The following MAST1 variants were observed in gnomAD, a reference collection of about 807,000 sequenced individuals.
The protein encoded by MAST1 is microtubule-associated serine/threonine-protein kinase 1.
Under a neutral mutation model 124.6 loss-of-function variants are expected in MAST1, and 40 were observed. That is an observed-to-expected ratio of 0.32 (90% CI 0.25 to 0.42). The LOEUF (loss-of-function observed/expected upper bound fraction) is 0.42, where lower values mean the gene tolerates loss of function less well. MAST1 is among the 10% of genes least tolerant of loss of function. The probability of loss-of-function intolerance (pLI) is 1.00; values close to 1 mark genes in which losing one functional copy is unlikely to be tolerated. For missense variants in MAST1, 1,558 were observed against 2,181.9 expected, an observed-to-expected ratio of 0.71 and a Z score of 5.70; for synonymous variants, 938 against 939.4, an observed-to-expected ratio of 1.00 and a Z score of 0.03.
intron 12 of MAST1, among the ~76,000 whole-genome samples, chr19:12,860,307 G>A (rs1439978451): frequency 2.6e-5 from 4 of 151,726 alleles, no homozygotes; most frequent in South Asian, 2.1e-4. Flanking sequence ...TAGTAGAGAC[G>A]GGGTTTCACC....
chr19:12,862,653 T>C (rs959549723), intron 12 of MAST1, among the ~76,000 whole-genome samples: 3 of 149,964 alleles, frequency 2.0e-5, no homozygotes, highest in African/African-American at 7.4e-5. Flanking sequence ...TGTTTTTTTC[T>C]TTTCCTTTTT....
intron 4 of MAST1, among the ~76,000 whole-genome samples, chr19:12,846,461 A>T (rs1969895263): frequency 6.6e-6 from 1 of 152,058 alleles, no homozygotes. Context: ...GAGGGGTGAC[A>T]TTGAAGCAAA....
Position 12,874,153 on chromosome 19 carries a change from C to A in MAST1, c.3996C>A (p.Gly1332=). Residue 1332 remains glycine (G), a synonymous_variant, in exon 26 of 26, where the codon GGC becomes GGA. Coordinates refer to ENST00000251472, the MANE Select transcript of MAST1 (RefSeq NM_014975.3). This position sits in a 1 kb window ranked among gnomAD's most constrained non-coding sequence, Gnocchi z 6.6. ...GGCAGGTCGCCGTCCGCCGCCTGGG[C>A]CGACAGGAGTCACCTTTGAGCCTGG... is the stretch of plus-strand genomic sequence containing the variant. The part of the protein sequence containing the change: ...APRQVAVRRL[G]RQESPLSLGA... 1 of 1,540,720 alleles carries A rather than the reference C, an allele frequency of 6.5e-7. No individual in the cohort carries two copies. Among genetic ancestry groups the A allele is most frequent in the Non-Finnish European group, 8.7e-7 (1 of 1,145,840 alleles).
Position 12,867,995 on chromosome 19 carries a change from C to T in MAST1, c.2566+18C>T. 1.3e-6 allele frequency: 2 copies of T among 1,516,266 alleles called. No homozygotes were observed. The highest frequency in any genetic ancestry group is 2.3e-5 in the East Asian group (1 of 43,444). The allele number at this position is 1,516,266 out of a possible 1,614,324, so 93.9% of individuals were successfully genotyped here. A position where few individuals can be genotyped will look rare whatever the true frequency, so the allele number is the denominator to read the frequency against. Reference sequence around the variant, plus strand: ...CGAGGCCAGTGAGTGCCCTATCGTGCTGCCTTCCCCAATCTTCCCCAATGT... The same window carrying T: ...CGAGGCCAGTGAGTGCCCTATCGTGTTGCCTTCCCCAATCTTCCCCAATGT... On this transcript the variant is annotated intron_variant, in intron 20 of 25. Coordinates refer to ENST00000251472, the MANE Select transcript of MAST1 (RefSeq NM_014975.3).
At position 12,841,186 on chromosome 19, in the gene MAST1, T is replaced by G; in HGVS notation, c.248+120T>G. The G allele has an allele frequency of 1.6e-6, 1 of 616,422 alleles. No homozygotes were observed. The highest frequency in any genetic ancestry group is 3.2e-4 in the Middle Eastern group (1 of 3,112). 38.2% of individuals were successfully genotyped at this position (616,422 alleles called of 1,614,324 possible). ...GCTGGGGCCTGAGGGGACCAGCGAG[T>G]GCCCCAAGGTCTCAGCGGGAAGGAG... On this transcript the variant is annotated intron_variant, in intron 3 of 25. Coordinates refer to ENST00000251472, the MANE Select transcript of MAST1 (RefSeq NM_014975.3). The surrounding 1 kb of genome is among the most constrained non-coding windows in gnomAD (Gnocchi z 4.3).
chr19:12,869,373 G>C, intron 22 of MAST1, 78 bp downstream of exon 22: 1 of 1,168,224 alleles, frequency 8.6e-7, no homozygotes, highest in Non-Finnish European at 1.2e-6. Context: ...AAACCAGTTA[G>C]CCTGGGTGAG....
chr19:12,839,122 G>T (rs1238573930), intron 1 of MAST1, among the ~76,000 whole-genome samples: 1 of 147,888 alleles, frequency 6.8e-6, no homozygotes, highest in Non-Finnish European at 1.5e-5. Flanking sequence ...GATGCTGAGG[G>T]GTAGAAAAAA....
chr19:12,840,424 C>G (rs1384577373), intron 1 of MAST1, 22 bp from the exon 2 acceptor site: 1 of 1,573,372 alleles, frequency 6.4e-7, no homozygotes, highest in South Asian at 1.1e-5. Context: ...GGCCCGGCCC[C>G]CCTGCCTTAC....
intron 4 of MAST1, among the ~76,000 whole-genome samples, chr19:12,845,411 C>CA (rs540488398): frequency 0.02 from 1,402 of 69,064 alleles, 50 homozygotes; most frequent in African/African-American, 0.053. Flanking sequence ...CCTGTTTCTA[C>CA]AAAAAAAAAA....
intron 3 of MAST1, among the ~76,000 whole-genome samples, chr19:12,842,507 G>T (rs1442353751): frequency 1.3e-5 from 2 of 152,082 alleles, no homozygotes; most frequent in Non-Finnish European, 2.9e-5. Flanking sequence ...TGGTCATGCT[G>T]GTCTCGAACT....
chr19:12,867,999 C>T (rs1347169772), intron 20 of MAST1, 22 bp downstream of exon 20: 2 of 1,512,406 alleles, frequency 1.3e-6, no homozygotes, highest in Non-Finnish European at 8.8e-7. Context: ...ATCGTGCTGC[C>T]TTCCCCAATC....
In MAST1 at chr19:12,866,681, C is replaced by A; in HGVS notation, c.2058C>A (p.Asn686Lys). The change falls in exon 18 of 26, where the codon AAC (asparagine) becomes AAA (lysine). Residue 686 changes from asparagine to lysine, a missense_variant. Physicochemically the swap from Asn to Lys is moderately conservative, Grantham distance 94. Around this residue, in one of 10 missense-constraint regions of MAST1, gnomAD observed 287 missense variants for 308.0 expected, o/e 0.93. Coordinates refer to ENST00000251472, the MANE Select transcript of MAST1 (RefSeq NM_014975.3). This position sits in a 1 kb window ranked among gnomAD's most constrained non-coding sequence, Gnocchi z 5.2. ...GCTCAGACAGGTATCACCACGTGAA[C>A]TCCTATGACGAGGATGACACGACGG... ...DTRSDRYHHV[N>K]SYDEDDTTEE... is the part of the protein sequence containing the mutation. 6.2e-7 allele frequency: 1 copy of A among 1,613,950 alleles called. No homozygotes were observed. The highest frequency in any genetic ancestry group is 1.1e-5 in the South Asian group (1 of 91,080).
chr19:12,873,286 C>A (rs568730476), intron 24 of MAST1, 38 bp from the exon 25 acceptor site: 1 of 1,590,208 alleles, frequency 6.3e-7, no homozygotes, highest in Non-Finnish European at 8.6e-7. Context: ...GCTCTGGCGT[C>A]CAGGTCAAGG....
chr19:12,847,423 C>G lies in MAST1; in HGVS notation c.461C>G (p.Ala154Gly), dbSNP rs1372354215. Residue 154 changes from alanine (A) to glycine (G), a missense_variant, in exon 5 of 26, where the codon GCC becomes GGC. Physicochemically the swap from Ala to Gly is moderately conservative, Grantham distance 60. This residue lies in a region of MAST1 where 165 missense variants were observed against 315.3 expected (regional missense o/e 0.52). Transcript: ENST00000251472. This position sits in a 1 kb window ranked among gnomAD's most constrained non-coding sequence, Gnocchi z 5.5. ...TDEDGGRRSP[A>G]VRPRSRSLSP... ...GAGGATGGTGGCCGTCGCTCCCCAG[C>G]CGTGCGGCCCCGCTCACGGAGCCTC... 6.2e-7 allele frequency: 1 copy of G among 1,613,662 alleles called. No homozygotes were observed. The highest frequency in any genetic ancestry group is 2.2e-5 in the East Asian group (1 of 44,884).
At chr19:12,872,413 C>T (rs1162914786) in intron 24 of MAST1, among the ~76,000 whole-genome samples, 2 of 151,970 alleles carry the variant, frequency 1.3e-5, no homozygotes, top group Non-Finnish European at 2.9e-5. Flanking sequence ...GGACTAGAGG[C>T]AGGTGGGACC....
intron 12 of MAST1, among the ~76,000 whole-genome samples, chr19:12,861,846 G>A (rs1002590506): frequency 1.3e-5 from 2 of 151,722 alleles, no homozygotes; most frequent in Admixed American, 1.3e-4. Context: ...GGGATTACAG[G>A]TGCCCGCCAC....
rs1394557621 is a variant in MAST1 at position 12,858,576 on chromosome 19, C to T, written c.1203C>T (p.Ala401=). 1.1e-5 allele frequency: 18 copies of T among 1,614,130 alleles called. No homozygotes were observed. The highest frequency in any genetic ancestry group is 1.5e-5 in the Non-Finnish European group (18 of 1,180,058). ...VRHRDTRQRF[A]MKKINKQNLI... ...ACCGCGACACGCGGCAGCGCTTTGCCATGAAAAAGATCAACAAGCAGAACT... is the reference window on the plus strand; with the variant it reads ...ACCGCGACACGCGGCAGCGCTTTGCTATGAAAAAGATCAACAAGCAGAACT... The change falls in exon 12 of 26, where the codon GCC becomes GCT. Residue 401 remains alanine, a synonymous_variant. Coordinates refer to ENST00000251472, the MANE Select transcript of MAST1 (RefSeq NM_014975.3).
chr19:12,870,129 C>A (rs1006408003), intron 22 of MAST1, among the ~76,000 whole-genome samples: 14 of 126,360 alleles, frequency 1.1e-4, no homozygotes, highest in African/African-American at 4.3e-4. Flanking sequence ...TGCAGTGAGC[C>A]GAGATTGCGC....
At position 12,869,067 on chromosome 19, in the gene MAST1, G is replaced by A; in HGVS notation, c.2775G>A (p.Val925=). ...ATALSVMIPA[V]DPHGSSPLAS... The stretch of plus-strand genomic sequence containing the variant: ...CTGACCATGGTTGTGTGTCTGTAGT[G>A]GACCCACATGGAAGTTCACCCCTTG... Residue 925 remains valine (V), a splice_region_variant and synonymous_variant, in exon 22 of 26, where the codon GTG becomes GTA. Transcript: ENST00000251472. The A allele has an allele frequency of 6.2e-7, 1 of 1,612,554 alleles. No individual in the cohort carries two copies. The highest frequency in any genetic ancestry group is 8.5e-7 in the Non-Finnish European group (1 of 1,178,542).
Sources: gnomAD v4.1 joint callset for allele counts (sites outside exome capture counted in the v4.1 genomes callset) on GRCh38, gnomAD v4.1.1 for gene constraint, gnomAD v4.1.1 regional missense constraint, Gnocchi (gnomAD v3.1) non-coding constraint, MANE v1.5 for transcripts, NCBI Gene and HGNC (gene_info 2026-07-23, HGNC 2026-07-21) for gene names.